Variants in GAN observed in about 807,000 individuals in gnomAD.
The protein encoded by GAN is epididymis secretory sperm binding protein.
GAN carries 48 observed loss-of-function variants against 71.3 expected under a neutral mutation model. The observed-to-expected ratio is 0.67, with a 90% CI of 0.53 to 0.86. The LOEUF is 0.86. Ranked by LOEUF, GAN falls within the 40% of genes least tolerant of loss-of-function variation. The pLI, the probability that GAN is intolerant of heterozygous loss-of-function variation, is 0.00. For synonymous variants in GAN, 386 were observed against 276.8 expected (o/e 1.39, Z -3.92); for missense variants, 928 against 770.1 (o/e 1.21, Z -2.43).
Position 81,362,576 on chromosome 16 carries a change from G to C in GAN, c.1051G>C (p.Ala351Pro), listed in dbSNP as rs755366433. 1 of 1,599,360 alleles carries C rather than the reference G, an allele frequency of 6.3e-7. No individual in the cohort carries two copies. Among genetic ancestry groups the C allele is most frequent in the Non-Finnish European group, 8.6e-7 (1 of 1,166,530 alleles). ...CTCAGGAGAAAAGTATGATCCAGATGCAAATACATGGACAGCATTGCCACC... is the reference window on the plus strand; with the variant it reads ...CTCAGGAGAAAAGTATGATCCAGATCCAAATACATGGACAGCATTGCCACC... ...LSSGEKYDPD[A>P]NTWTALPPMN... Residue 351 changes from alanine to proline, a missense_variant, in exon 6 of 11, where the codon GCA becomes CCA. Transcript: ENST00000648994.
At chr16:81,374,444 A>G (rs935253039) in intron 9 of GAN, among the ~76,000 whole-genome samples, 3 of 152,230 alleles carry the variant, frequency 2.0e-5, no homozygotes, top group Admixed American at 1.3e-4. Context: ...AGAAGTCATT[A>G]CTGTGGTGTT....
chr16:81,375,921 G>A (rs1032642464), intron 9 of GAN, among the ~76,000 whole-genome samples: 1 of 149,670 alleles, frequency 6.7e-6, no homozygotes, highest in Non-Finnish European at 1.5e-5. Flanking sequence ...AGTGAGCTGT[G>A]ATTGCACCAC....
chr16:81,332,872 T>C (rs1444439093), intron 1 of GAN, among the ~76,000 whole-genome samples: 2 of 152,208 alleles, frequency 1.3e-5, no homozygotes, highest in East Asian at 3.8e-4. Context: ...CAGTGCATCA[T>C]ATCAGGAGGC....
intron 2 of GAN, among the ~76,000 whole-genome samples, chr16:81,353,297 A>AAAAAACAAAAACAAAAAACAAAAAAAAAC (rs1567490932): frequency 6.6e-6 from 1 of 151,414 alleles, no homozygotes; most frequent in African/African-American, 2.4e-5. Context: ...GTCTCAAAAA[A>AAAAAACAAAAACAAAAAACAAAAAAAAAC]AAAAAAAAAC....
At chr16:81,319,766 G>A (rs563544639) in intron 1 of GAN, among the ~76,000 whole-genome samples, 1 of 152,190 alleles carries the variant, frequency 6.6e-6, no homozygotes, top group South Asian at 2.1e-4. Context: ...GAGACATAGG[G>A]CCTCAAATCC....
chr16:81,366,193 G>T (rs1170554862), intron 9 of GAN, among the ~76,000 whole-genome samples: 1 of 152,162 alleles, frequency 6.6e-6, no homozygotes, highest in Admixed American at 6.5e-5. Flanking sequence ...AGTCTCTGGG[G>T]TTGTAGCTGT....
In GAN at chr16:81,320,439, G is replaced by A. The variant is rs561978777; in HGVS notation, c.167+5159G>A. On this transcript the variant is annotated intron_variant, in intron 1 of 10. Transcript: ENST00000648994. Reference sequence around the variant, plus strand: ...CTGTTAATGCTGAGAATACACTCCCGAGGCAGCAGTATCCACTAAGTGTTC... The same window carrying A: ...CTGTTAATGCTGAGAATACACTCCCAAGGCAGCAGTATCCACTAAGTGTTC... 4.7e-4 allele frequency among the ~76,000 whole-genome samples: 71 copies of A among 152,296 alleles called. No individual in the cohort carries two copies. The South Asian group carries it at 8.5e-3, about 18-fold the overall frequency.
At chr16:81,374,191 C>G (rs1291261261) in intron 9 of GAN, among the ~76,000 whole-genome samples, 3 of 152,162 alleles carry the variant, frequency 2.0e-5, no homozygotes, top group Non-Finnish European at 4.4e-5. Flanking sequence ...CCACAGAAGT[C>G]ATATTACACA....
intron 1 of GAN, among the ~76,000 whole-genome samples, chr16:81,346,975 A>G (rs1254265611): frequency 6.6e-6 from 1 of 152,222 alleles, no homozygotes; most frequent in African/African-American, 2.4e-5. Context: ...AAAAGGGTGA[A>G]TTTGGAGCTG....
At chr16:81,333,654 A>G (rs1284821609) in intron 1 of GAN, among the ~76,000 whole-genome samples, 2 of 152,240 alleles carry the variant, frequency 1.3e-5, no homozygotes, top group African/African-American at 4.8e-5. Flanking sequence ...GTCTATGGTT[A>G]GAAGTAAAAG....
intron 4 of GAN, 63 bp from the exon 5 acceptor site, chr16:81,357,747 G>T (rs1302243679): frequency 1.4e-6 from 2 of 1,440,476 alleles, no homozygotes; most frequent in Non-Finnish European, 2.0e-6. Flanking sequence ...AACTAGTGAT[G>T]GCTACTTATA....
At chr16:81,362,688 T>G in intron 6 of GAN, 77 bp downstream of exon 6, 1 of 860,050 alleles carries the variant, frequency 1.2e-6, no homozygotes, top group Non-Finnish European at 2.0e-6. Context: ...GTGTCTGAGT[T>G]CAGGGAAGAA....
Position 81,356,891 on chromosome 16 carries a change from A to G in GAN, c.740A>G (p.Glu247Gly). The change falls in exon 4 of 11, where the codon GAG becomes GGG. Residue 247 changes from glutamate to glycine, a missense_variant. Transcript: ENST00000648994. The stretch of plus-strand genomic sequence containing the variant: ...CCATTAGTACGAGAAATTGTCAAAG[A>G]GTGTAGCAATATACCGCTCAGCCAG... ...NEPLVREIVK[E>G]CSNIPLSQPQ... is the part of the protein sequence containing the mutation. The G allele has an allele frequency of 1.2e-6, 2 of 1,613,906 alleles. No homozygotes were observed. Among genetic ancestry groups the G allele is most frequent in the Non-Finnish European group, 1.7e-6 (2 of 1,179,806 alleles).
chr16:81,338,439 A>G (rs888708066), intron 1 of GAN, among the ~76,000 whole-genome samples: 7 of 152,180 alleles, frequency 4.6e-5, no homozygotes, highest in Admixed American at 4.6e-4. Flanking sequence ...TTTTTAAATG[A>G]TTATTCATTA....
At chr16:81,363,169 C>G (rs1334347709) in intron 6 of GAN, among the ~76,000 whole-genome samples, 2 of 152,226 alleles carry the variant, frequency 1.3e-5, no homozygotes, top group South Asian at 2.1e-4. Context: ...CCTCCACAGC[C>G]CTTTCTGCCA....
intron 1 of GAN, among the ~76,000 whole-genome samples, chr16:81,346,036 A>G (rs960262637): frequency 6.6e-6 from 1 of 152,230 alleles, no homozygotes; most frequent in East Asian, 1.9e-4. Flanking sequence ...GTTACTTTAA[A>G]ATAAGAACTC....
At chr16:81,365,537 T>C (rs745759658) in intron 9 of GAN, 59 bp downstream of exon 9, 1 of 1,543,598 alleles carries the variant, frequency 6.5e-7, no homozygotes, top group Non-Finnish European at 9.0e-7. Context: ...TTCAGTCGTA[T>C]TTTAGCTTTG....
chr16:81,320,929 C>G (rs1452392327), intron 1 of GAN, among the ~76,000 whole-genome samples: 1 of 147,982 alleles, frequency 6.8e-6, no homozygotes, highest in African/African-American at 2.5e-5. Flanking sequence ...TTCCTTTTTT[C>G]TTTTTTGTAA....
chr16:81,365,032 G>A lies in GAN; in HGVS notation c.1295G>A (p.Gly432Glu). The change falls in exon 8 of 11, where the codon GGA (glycine) becomes GAA (glutamate). Residue 432 changes from glycine to glutamate, a missense_variant. Gly to Glu is a moderately conservative substitution (Grantham distance 98). Coordinates refer to ENST00000648994, the MANE Select transcript of GAN (RefSeq NM_022041.4). ...TACGCCATGGGTGGAGGCTCCTACGGAAAGCTTTTTGAGTCTGTAGAGTGT... is the reference window on the plus strand; with the variant it reads ...TACGCCATGGGTGGAGGCTCCTACGAAAAGCTTTTTGAGTCTGTAGAGTGT... ...KIYAMGGGSY[G>E]KLFESVECYD... 2 of 1,613,796 alleles carry A rather than the reference G, an allele frequency of 1.2e-6. No homozygotes were observed. The highest frequency in any genetic ancestry group is 1.7e-6 in the Non-Finnish European group (2 of 1,179,692).
Sources: allele counts gnomAD v4.1 joint callset (sites outside exome capture counted in the v4.1 genomes callset), GRCh38; gene constraint gnomAD v4.1.1; transcripts MANE v1.5; gene names NCBI Gene and HGNC (gene_info 2026-07-23, HGNC 2026-07-21).